Variants in SULF2 observed in about 807,000 individuals in gnomAD.
SULF2 encodes the protein extracellular sulfatase Sulf-2.
SULF2 carries 52 observed loss-of-function variants against 107.7 expected under a neutral mutation model. The observed-to-expected ratio is 0.48, with a 90% CI of 0.39 to 0.61. SULF2 has a LOEUF of 0.61. Among genes scored for constraint, SULF2 ranks in the 20% least tolerant of loss-of-function variants. The pLI is 0.00. For missense variants in SULF2, 993 were observed against 1,177.3 expected (o/e 0.84, Z 2.29); for synonymous variants, 460 against 464.3 (o/e 0.99, Z 0.12).
At chr20:47,667,590 T>A (rs1197347802) in intron 11 of SULF2, among the ~76,000 whole-genome samples, 1 of 152,174 alleles carries the variant, frequency 6.6e-6, no homozygotes, top group Non-Finnish European at 1.5e-5. Flanking sequence ...CCCCTTTGGC[T>A]GCCCACTGTC....
At chr20:47,776,981 A>T (rs2090736683) in intron 1 of SULF2, among the ~76,000 whole-genome samples, 1 of 152,216 alleles carries the variant, frequency 6.6e-6, no homozygotes, top group African/African-American at 2.4e-5. Flanking sequence ...TTCATTCAAA[A>T]AAAAATTTAC....
intron 2 of SULF2, among the ~76,000 whole-genome samples, chr20:47,746,647 C>T (rs116285261): frequency 0.012 from 1,786 of 152,090 alleles, 32 homozygotes; most frequent in African/African-American, 0.041. Flanking sequence ...TCGGGAGCCA[C>T]ACTTGGGCAA....
intron 2 of SULF2, among the ~76,000 whole-genome samples, chr20:47,755,261 C>T (rs6018673): frequency 0.89 from 135,291 of 152,290 alleles, 60,420 homozygotes; most frequent in African/African-American, 0.97. Context: ...TTCTTTGTTC[C>T]CCTCTCTCCT....
At chr20:47,762,277 G>A (rs755440414) in intron 1 of SULF2, among the ~76,000 whole-genome samples, 6 of 152,196 alleles carry the variant, frequency 3.9e-5, no homozygotes, top group African/African-American at 9.7e-5. Flanking sequence ...AGAGACAGAC[G>A]TGGAGTGCTA....
intron 20 of SULF2, 21 bp from the exon 21 acceptor site, chr20:47,658,413 A>T (rs765411362): frequency 5.6e-6 from 9 of 1,613,176 alleles, no homozygotes; most frequent in Non-Finnish European, 7.6e-6. Context: ...AAACAAACTC[A>T]TCTTAGCACT....
chr20:47,737,567 C>T (rs1284870100), intron 2 of SULF2, among the ~76,000 whole-genome samples: 1 of 151,862 alleles, frequency 6.6e-6, no homozygotes, highest in Non-Finnish European at 1.5e-5. Flanking sequence ...CACTTTTCTT[C>T]GAGCCTGGAA....
intron 14 of SULF2, 39 bp downstream of exon 14, chr20:47,665,160 G>A (rs1457160880): frequency 1.6e-6 from 2 of 1,278,768 alleles, no homozygotes; most frequent in Non-Finnish European, 2.3e-6. Context: ...TCCTGTAGGA[G>A]AGTGGGGTCT....
intron 3 of SULF2, among the ~76,000 whole-genome samples, chr20:47,736,320 T>C (rs1173664811): frequency 6.6e-6 from 1 of 152,158 alleles, no homozygotes; most frequent in African/African-American, 2.4e-5. Context: ...CCCACCCCTA[T>C]GTTTTGGAAC....
At chr20:47,753,519 G>T (rs1413085412) in intron 2 of SULF2, among the ~76,000 whole-genome samples, 1 of 152,220 alleles carries the variant, frequency 6.6e-6, no homozygotes, top group East Asian at 1.9e-4. Context: ...GCATCTTGCT[G>T]AAATTTAAAA....
intron 4 of SULF2, among the ~76,000 whole-genome samples, chr20:47,690,835 C>T (rs1204931781): frequency 6.7e-6 from 1 of 150,110 alleles, no homozygotes; most frequent in Non-Finnish European, 1.5e-5. Context: ...CATGATTGCA[C>T]TCCAGCCTGG....
At chr20:47,719,886 T>C (rs1199991392) in intron 3 of SULF2, among the ~76,000 whole-genome samples, 1 of 152,208 alleles carries the variant, frequency 6.6e-6, no homozygotes, top group East Asian at 1.9e-4. Context: ...AGGCCACAGT[T>C]TACTAATCTC....
intron 2 of SULF2, among the ~76,000 whole-genome samples, chr20:47,737,976 TCAAGTGATCCGCCTGC>T (rs1198532511): frequency 6.6e-6 from 1 of 152,000 alleles, no homozygotes; most frequent in Admixed American, 6.6e-5. Flanking sequence ...ATTTCTGACC[TCAAGTGATCCGCCTGC>T]CTCTGCCTCC....
intron 4 of SULF2, among the ~76,000 whole-genome samples, chr20:47,697,124 G>A (rs977771961): frequency 3.9e-5 from 6 of 152,158 alleles, no homozygotes; most frequent in Non-Finnish European, 7.3e-5. Context: ...ACTTTTGCCA[G>A]CTACCTGGAA....
intron 2 of SULF2, among the ~76,000 whole-genome samples, chr20:47,745,638 C>G (rs2090018950): frequency 6.6e-6 from 1 of 151,596 alleles, no homozygotes; most frequent in South Asian, 2.1e-4. Flanking sequence ...AAGTGATTCT[C>G]CTGCCTCAGC....
Position 47,663,514 on chromosome 20 carries a change from C to T in SULF2, c.2166G>A (p.Met722Ile). Residue 722 changes from methionine (M) to isoleucine (I), a missense_variant, in exon 16 of 21, where the codon ATG becomes ATA. Physicochemically the swap from Met to Ile is conservative, Grantham distance 10. This residue lies in a region of SULF2 where 497 missense variants were observed against 544.1 expected (regional missense o/e 0.91). Transcript: ENST00000688720. ...CGTGGGTGAAGCACGTGAGGCCTGG[C>T]ATGCTGCACGTGTCGTTGTTCTGCA... is the stretch of plus-strand genomic sequence containing the variant. ...KRLQNNDTCSMPGLTCFTHDN... is the reference protein window; with the variant it reads ...KRLQNNDTCSIPGLTCFTHDN... The T allele has an allele frequency of 6.2e-7, 1 of 1,612,616 alleles. No individual in the cohort carries two copies. Among genetic ancestry groups the T allele is most frequent in the Non-Finnish European group, 8.5e-7 (1 of 1,180,022 alleles).
intron 5 of SULF2, among the ~76,000 whole-genome samples, chr20:47,687,107 T>A (rs917368375): frequency 6.6e-6 from 1 of 152,154 alleles, no homozygotes; most frequent in African/African-American, 2.4e-5. Context: ...TCAGCAATCA[T>A]CCCTGAATCC....
chr20:47,668,766 G>C (rs529043147), intron 11 of SULF2, among the ~76,000 whole-genome samples: 1 of 152,288 alleles, frequency 6.6e-6, no homozygotes, highest in East Asian at 1.9e-4. Flanking sequence ...TGACAACCCT[G>C]GGCCCACTCC....
At position 47,663,127 on chromosome 20, in the gene SULF2, G is replaced by C. The variant is rs1380012117; in HGVS notation, c.2313C>G (p.Phe771Leu). The C allele has an allele frequency of 6.2e-7, 1 of 1,614,064 alleles. No individual in the cohort carries two copies. Among genetic ancestry groups the C allele is most frequent in the Non-Finnish European group, 8.5e-7 (1 of 1,180,036 alleles). Residue 771 changes from phenylalanine to leucine, a missense_variant, in exon 17 of 21, where the codon TTC becomes TTG. Physicochemically the swap from Phe to Leu is conservative, Grantham distance 22 (BLOSUM62 0). Around this residue, in one of 3 missense-constraint regions of SULF2, gnomAD observed 497 missense variants for 544.1 expected, o/e 0.91. Transcript: ENST00000688720. ...CTAGGAAGCCAGTTGCAAATTCACA[G>C]AAGAGGAAATTGTGAGTCTCATTGA... The part of the protein sequence containing the change: ...RTINETHNFL[F>L]CEFATGFLEY...
At chr20:47,758,902 A>C (rs547799969) in intron 1 of SULF2, among the ~76,000 whole-genome samples, 2 of 152,298 alleles carry the variant, frequency 1.3e-5, no homozygotes, top group East Asian at 3.9e-4. Flanking sequence ...CCATCAGCTC[A>C]AAGTCATGAC....
Sources: allele counts gnomAD v4.1 joint callset (sites outside exome capture counted in the v4.1 genomes callset), GRCh38; gene constraint gnomAD v4.1.1; regional missense constraint gnomAD v4.1.1; transcripts MANE v1.5; gene names NCBI Gene and HGNC (gene_info 2026-07-23, HGNC 2026-07-21).